Variants in FGF14 observed in about 807,000 individuals in gnomAD.
FGF14 encodes the protein fibroblast growth factor homologous factor 4.
A neutral mutation model predicts 25.5 loss-of-function variants in FGF14; 5 were observed. The ratio of observed to expected loss-of-function variants is 0.20; its 90% CI spans 0.10 to 0.41. FGF14 has a LOEUF of 0.41. FGF14 is among the 10% of genes least tolerant of loss of function. The pLI is 1.00. For synonymous variants in FGF14, 138 were observed against 118.3 expected, an observed-to-expected ratio of 1.17 and a Z score of -1.08; for missense variants, 222 against 320.1, an observed-to-expected ratio of 0.69 and a Z score of 2.34.
rs907441265 is a variant in FGF14, at chr13:102,023,393, T to C, written c.209-148097A>G. Among the ~76,000 whole-genome samples the C allele has an allele frequency of 2.6e-5, 4 of 152,164 alleles. No individual in the cohort carries two copies. In the South Asian group the frequency reaches 8.3e-4, roughly 32 times the overall value. ...AATAGAGATTAGACATCTCATGGTATAGAGCTCTTAATAGAGCTCTTAATA... is the reference window on the plus strand; with the variant it reads ...AATAGAGATTAGACATCTCATGGTACAGAGCTCTTAATAGAGCTCTTAATA... On this transcript the variant is annotated intron_variant, in intron 1 of 4. Transcript: ENST00000376131.
rs9557820 is a variant in FGF14 at position 102,155,897 on chromosome 13, T to G, written c.208+245574A>C. ...TATAAACACCTCTACACAAATAAAC[T>G]AGAAAATCTAGAAGAAATGGATACA... On this transcript the variant is annotated intron_variant, in intron 1 of 4. Coordinates refer to the FGF14 transcript ENST00000376131. 1.4e-3 allele frequency among the ~76,000 whole-genome samples: 217 copies of G among 152,190 alleles called. 4 individuals carry two copies. The East Asian group carries it at 0.038, about 27-fold the overall frequency.
chr13:102,295,395 TC>T (rs1182491560), intron 1 of FGF14, among the ~76,000 whole-genome samples: 5 of 152,174 alleles, frequency 3.3e-5, no homozygotes, highest in African/African-American at 1.2e-4. Context: ...TCCTAGTTAC[TC>T]TAGACTTTTC....
At chr13:102,339,397 A>T (rs1029695168) in intron 1 of FGF14, among the ~76,000 whole-genome samples, 4 of 152,144 alleles carry the variant, frequency 2.6e-5, no homozygotes, top group Non-Finnish European at 5.9e-5. Context: ...GACCAAACAA[A>T]AGAATTTGTA....
At chr13:102,368,645 A>G (rs1306135992) in intron 1 of FGF14, among the ~76,000 whole-genome samples, 2 of 152,214 alleles carry the variant, frequency 1.3e-5, no homozygotes, top group African/African-American at 4.8e-5. Flanking sequence ...GACAGAAATG[A>G]TAATAGCTTA....
At chr13:102,056,231 G>T (rs1258163616) in intron 1 of FGF14, among the ~76,000 whole-genome samples, 1 of 152,178 alleles carries the variant, frequency 6.6e-6, no homozygotes, top group African/African-American at 2.4e-5. Context: ...AAAGCTATTT[G>T]GCCCATGACA....
At chr13:102,142,562 G>A (rs1284843449) in intron 1 of FGF14, among the ~76,000 whole-genome samples, 1 of 152,132 alleles carries the variant, frequency 6.6e-6, no homozygotes, top group African/African-American at 2.4e-5. Context: ...AGGGCCTTGT[G>A]AGAGCCAATG....
At chr13:102,222,808 C>T (rs2050672639) in intron 1 of FGF14, among the ~76,000 whole-genome samples, 1 of 152,048 alleles carries the variant, frequency 6.6e-6, no homozygotes, top group Non-Finnish European at 1.5e-5. Flanking sequence ...ATGTCCTTCT[C>T]GAAATACAGC....
rs1007797171 is a variant in FGF14, at chr13:101,729,730, G to A, written c.409-2920C>T. ...TGTAGTAAAAAATATATCCTGATCA[G>A]TTATTTCAATTCTGTGAAAATCTCA... On this transcript the variant is annotated intron_variant, in intron 3 of 4. Transcript: ENST00000376143. 2.1e-4 allele frequency among the ~76,000 whole-genome samples: 28 copies of A among 130,708 alleles called. No homozygotes were observed. The Admixed American group carries it at 2.2e-3, about 10-fold the overall frequency. The allele number at this position is 130,708 out of a possible 152,430, so 85.7% of individuals were successfully genotyped here. A position where few individuals can be genotyped will look rare whatever the true frequency, so the allele number is the denominator to read the frequency against.
chr13:102,028,180 C>A (rs578033321), intron 1 of FGF14, among the ~76,000 whole-genome samples: 4 of 151,976 alleles, frequency 2.6e-5, no homozygotes, highest in Non-Finnish European at 5.9e-5. Flanking sequence ...TCTTTCTTCC[C>A]GAATGGTCTG....
intron 1 of FGF14, among the ~76,000 whole-genome samples, chr13:102,266,747 C>T (rs1045117314): frequency 1.3e-5 from 2 of 151,932 alleles, no homozygotes; most frequent in African/African-American, 4.8e-5. Flanking sequence ...TTGAAAATAT[C>T]AGTATAGTCA....
chr13:102,019,614 C>T lies in FGF14; in HGVS notation c.209-144318G>A, dbSNP rs202215968. On this transcript the variant is annotated intron_variant, in intron 1 of 4. Transcript: ENST00000376131. ...AACAGGTCTCTGTTTCCAAAGGTCA[C>T]ACTTTTTCTACTTTTAAAGCATACT... Among the ~76,000 whole-genome samples, 5 of 152,304 alleles carry T rather than the reference C, an allele frequency of 3.3e-5. No individual in the cohort carries two copies. The East Asian group carries it at 9.7e-4, about 29-fold the overall frequency.
intron 1 of FGF14, among the ~76,000 whole-genome samples, chr13:102,248,222 C>A (rs1325811674): frequency 6.6e-6 from 1 of 152,122 alleles, no homozygotes; most frequent in Non-Finnish European, 1.5e-5. Context: ...CAAACCTGCA[C>A]ATGTACCCTT....
At chr13:101,946,674 A>G (rs1012697713) in intron 1 of FGF14, among the ~76,000 whole-genome samples, 1 of 152,222 alleles carries the variant, frequency 6.6e-6, no homozygotes, top group Non-Finnish European at 1.5e-5. Flanking sequence ...TGTAACATCC[A>G]GGAGGAAAAC....
At chr13:101,820,777 AC>A (rs745783298) in intron 3 of FGF14, among the ~76,000 whole-genome samples, 1,976 of 27,628 alleles carry the variant, frequency 0.072, 78 homozygotes, top group African/African-American at 0.14. Context: ...CACACCACAC[AC>A]CACACACACA....
At position 101,933,169 on chromosome 13, in the gene FGF14, G is replaced by T. The variant is rs558442223; in HGVS notation, c.209-57873C>A. ...AAACTTAGTTTAACTATTTTTATCC[G>T]TCAAAACAAGTTCAAACAAATCCAT... On this transcript the variant is annotated intron_variant, in intron 1 of 4. Coordinates refer to the FGF14 transcript ENST00000376131. Among the ~76,000 whole-genome samples the T allele has an allele frequency of 2.6e-4, 40 of 151,906 alleles. No individual in the cohort carries two copies. The South Asian group carries it at 6.4e-3, about 24-fold the overall frequency.
chr13:102,256,163 G>C (rs2052426656), intron 1 of FGF14, among the ~76,000 whole-genome samples: 1 of 151,996 alleles, frequency 6.6e-6, no homozygotes, highest in Admixed American at 6.6e-5. Flanking sequence ...GGAAGAGAGG[G>C]AGAAATGAAA....
At chr13:102,275,240 C>A (rs190961035) in intron 1 of FGF14, among the ~76,000 whole-genome samples, 1 of 92,526 alleles carries the variant, frequency 1.1e-5, no homozygotes, top group South Asian at 3.6e-4. Context: ...AGATTTCTCT[C>A]TCTCTCTCTC....
At chr13:102,346,113 C>A (rs185232627) in intron 1 of FGF14, among the ~76,000 whole-genome samples, 26 of 152,134 alleles carry the variant, frequency 1.7e-4, no homozygotes, top group Non-Finnish European at 3.5e-4. Flanking sequence ...TAAATTATCC[C>A]AAATCCTGAA....
chr13:102,281,544 T>C (rs1303430841), intron 1 of FGF14, among the ~76,000 whole-genome samples: 1 of 152,104 alleles, frequency 6.6e-6, no homozygotes, highest in Non-Finnish European at 1.5e-5. Flanking sequence ...AACCTCCTAA[T>C]GATCAAAACC....
Sources: gnomAD v4.1 joint callset for allele counts (sites outside exome capture counted in the v4.1 genomes callset) on GRCh38, gnomAD v4.1.1 for gene constraint, MANE v1.5 for transcripts, NCBI Gene and HGNC (gene_info 2026-07-23, HGNC 2026-07-21) for gene names.